Variants in CHODL observed in about 807,000 individuals in gnomAD.
The protein encoded by CHODL is transmembrane protein MT75.
In CHODL, 29 loss-of-function variants were observed where a neutral mutation model predicts 34.5. That is an observed-to-expected ratio of 0.84 (90% confidence interval 0.63 to 1.15). The LOEUF is 1.15. Among genes scored for constraint, CHODL ranks in the 50% most tolerant of loss-of-function variants. The pLI, the probability that CHODL is intolerant of heterozygous loss-of-function variation, is 0.00. For missense variants in CHODL, 332 were observed against 332.5 expected, an observed-to-expected ratio of 1.00 and a Z score of 0.01; for synonymous variants, 125 against 116.1, an observed-to-expected ratio of 1.08 and a Z score of -0.49.
Position 17,948,191 on chromosome 21 carries a change from A to G in CHODL, c.-145+30791A>G, listed in dbSNP as rs569048664. 1.1e-4 allele frequency among the ~76,000 whole-genome samples: 16 copies of G among 152,220 alleles called. 1 individual carries two copies. In the East Asian group the frequency reaches 2.9e-3, roughly 28 times the overall value. ...AGGGATGAGAACTGAGAAATTACCT[A>G]TTCTGTACAGTTTACATTTTTAGGT... On this transcript the variant is annotated intron_variant, in intron 1 of 6. Coordinates refer to the CHODL transcript ENST00000400127.
At chr21:18,046,817 T>C (rs2064449447) in intron 2 of CHODL, among the ~76,000 whole-genome samples, 1 of 152,000 alleles carries the variant, frequency 6.6e-6, no homozygotes, top group African/African-American at 2.4e-5. Context: ...TTTGGGGATA[T>C]CACTCCATCA....
chr21:18,007,871 T>G (rs1422376364), intron 1 of CHODL, among the ~76,000 whole-genome samples: 1 of 152,216 alleles, frequency 6.6e-6, no homozygotes, highest in Non-Finnish European at 1.5e-5. Flanking sequence ...GGTCAATTAT[T>G]GATTCAGGTA....
At chr21:18,162,924 C>A (rs1366367290) in intron 2 of CHODL, among the ~76,000 whole-genome samples, 1 of 152,136 alleles carries the variant, frequency 6.6e-6, no homozygotes, top group Admixed American at 6.5e-5. Flanking sequence ...TGCAGGTGTA[C>A]ACCAACATGC....
At chr21:18,101,333 G>C (rs1021676537) in intron 2 of CHODL, among the ~76,000 whole-genome samples, 2 of 152,128 alleles carry the variant, frequency 1.3e-5, no homozygotes, top group South Asian at 4.2e-4. Context: ...TCCTGGTCTC[G>C]AGTTTGTCTT....
At chr21:17,938,059 T>C (rs2063331719) in intron 1 of CHODL, among the ~76,000 whole-genome samples, 1 of 152,228 alleles carries the variant, frequency 6.6e-6, no homozygotes, top group South Asian at 2.1e-4. Flanking sequence ...AAATTTGTAA[T>C]ATTTGCGAAT....
intron 2 of CHODL, among the ~76,000 whole-genome samples, chr21:18,032,046 G>A (rs183258067): frequency 1.1e-3 from 171 of 152,144 alleles, no homozygotes; most frequent in Non-Finnish European, 1.5e-3. Context: ...AGAGTCAGCT[G>A]ATAAACAGAA....
chr21:18,121,360 A>G (rs916405448), intron 2 of CHODL, among the ~76,000 whole-genome samples: 1 of 152,174 alleles, frequency 6.6e-6, no homozygotes, highest in Non-Finnish European at 1.5e-5. Flanking sequence ...GCTGCATTCA[A>G]AGTCATTCTG....
Position 18,245,166 on chromosome 21 carries a change from G to T in CHODL, c.-58G>T. ...CTGCAGAGTCAGAGTCGCGGGCTGCGCCCTGGGCAGAGGCCGCCCTCGCTC... is the reference window on the plus strand; with the variant it reads ...CTGCAGAGTCAGAGTCGCGGGCTGCTCCCTGGGCAGAGGCCGCCCTCGCTC... On this transcript the variant is annotated 5_prime_UTR_variant, in exon 1 of 6. Transcript: ENST00000299295. 7.3e-7 allele frequency: 1 copy of T among 1,372,330 alleles called. No homozygotes were observed. The highest frequency in any genetic ancestry group is 9.8e-7 in the Non-Finnish European group (1 of 1,021,836). The allele number at this position is 1,372,330 out of a possible 1,614,324, so 85.0% of individuals were successfully genotyped here.
intron 2 of CHODL, among the ~76,000 whole-genome samples, chr21:18,204,414 A>G (rs1399847894): frequency 6.6e-6 from 1 of 152,150 alleles, no homozygotes; most frequent in Non-Finnish European, 1.5e-5. Flanking sequence ...TAGTATAACT[A>G]TTGAAATGGA....
At chr21:18,236,972 A>G (rs2074034097) in intron 2 of CHODL, among the ~76,000 whole-genome samples, 1 of 152,126 alleles carries the variant, frequency 6.6e-6, no homozygotes, top group South Asian at 2.1e-4. Flanking sequence ...TTCCTATAGG[A>G]GACTGGTGTG....
intron 2 of CHODL, among the ~76,000 whole-genome samples, chr21:18,049,698 C>G (rs1054940540): frequency 1.1e-4 from 16 of 151,918 alleles, no homozygotes; most frequent in African/African-American, 3.1e-4. Flanking sequence ...GTGCTCTCAT[C>G]CCTGGTGTCT....
chr21:17,924,272 G>C (rs1212805376), intron 1 of CHODL, among the ~76,000 whole-genome samples: 3 of 152,358 alleles, frequency 2.0e-5, no homozygotes, highest in South Asian at 4.1e-4. Context: ...GAAGGGACTT[G>C]AGGAGAGAAA....
At chr21:17,949,264 A>T (rs995396166) in intron 1 of CHODL, among the ~76,000 whole-genome samples, 4 of 152,286 alleles carry the variant, frequency 2.6e-5, no homozygotes, top group African/African-American at 7.2e-5. Context: ...AGCCTCAAGA[A>T]ATTTTCCAGA....
intron 2 of CHODL, among the ~76,000 whole-genome samples, chr21:18,172,084 T>C (rs1196586755): frequency 6.6e-6 from 1 of 152,188 alleles, no homozygotes; most frequent in Non-Finnish European, 1.5e-5. Context: ...TTCATGACCA[T>C]TTAAATTCCT....
chr21:17,928,261 C>T (rs995842361), intron 1 of CHODL, among the ~76,000 whole-genome samples: 2 of 152,166 alleles, frequency 1.3e-5, no homozygotes, highest in African/African-American at 4.8e-5. Flanking sequence ...AATTTATAGT[C>T]TCCCTGGAGT....
intron 2 of CHODL, among the ~76,000 whole-genome samples, chr21:18,238,324 G>GGAT (rs2074048390): frequency 6.6e-6 from 1 of 152,070 alleles, no homozygotes. Context: ...ACAAGGCTGG[G>GGAT]GATGCCTCAG....
intron 2 of CHODL, among the ~76,000 whole-genome samples, chr21:18,135,952 C>T (rs1240442773): frequency 6.6e-6 from 1 of 151,706 alleles, no homozygotes; most frequent in East Asian, 1.9e-4. Flanking sequence ...ACTAAAAACA[C>T]AAAAATTACC....
At chr21:18,057,600 T>C (rs1305365912) in intron 2 of CHODL, among the ~76,000 whole-genome samples, 1 of 152,090 alleles carries the variant, frequency 6.6e-6, no homozygotes, top group Non-Finnish European at 1.5e-5. Context: ...TCCACTGTTA[T>C]TATATCATGC....
intron 1 of CHODL, among the ~76,000 whole-genome samples, chr21:18,016,381 G>A (rs1035682505): frequency 3.3e-5 from 5 of 152,198 alleles, no homozygotes; most frequent in Admixed American, 1.3e-4. Context: ...CTGTGGGTGC[G>A]AAGAAGGCAA....
Sources: gnomAD v4.1 joint callset for allele counts (sites outside exome capture counted in the v4.1 genomes callset) on GRCh38, gnomAD v4.1.1 for gene constraint, MANE v1.5 for transcripts, NCBI Gene and HGNC (gene_info 2026-07-23, HGNC 2026-07-21) for gene names.